The following ADAMTS6 variants were observed in gnomAD, a reference collection of about 807,000 sequenced individuals.
ADAMTS6 encodes the protein ADAM metallopeptidase with thrombospondin type 1 motif 6.
In ADAMTS6, 23 loss-of-function variants were observed where a neutral mutation model predicts 144.3. The ratio of observed to expected loss-of-function variants is 0.16; its 90% CI spans 0.11 to 0.23. ADAMTS6 has a LOEUF of 0.23. ADAMTS6 is among the 10% of genes least tolerant of loss of function. The pLI is 1.00. For missense variants in ADAMTS6, 999 were observed against 1,379.6 expected (o/e 0.72, Z 4.37); for synonymous variants, 444 against 457.5 (o/e 0.97, Z 0.38).
chr5:65,276,791 T>C (rs1205094033), intron 11 of ADAMTS6, among the ~76,000 whole-genome samples: 1 of 152,206 alleles, frequency 6.6e-6, no homozygotes, highest in East Asian at 1.9e-4. Context: ...ACCATCATAG[T>C]AGGCAGATTT....
intron 21 of ADAMTS6, among the ~76,000 whole-genome samples, chr5:65,195,901 A>G (rs1050662090): frequency 5.3e-5 from 8 of 152,226 alleles, no homozygotes; most frequent in African/African-American, 1.9e-4. Context: ...CAAAATCTCT[A>G]CAAAGATTAC....
chr5:65,459,978 A>G (rs923757599), intron 4 of ADAMTS6, among the ~76,000 whole-genome samples, 192 bp downstream of exon 4: 1 of 152,242 alleles, frequency 6.6e-6, no homozygotes, highest in African/African-American at 2.4e-5. Context: ...CTTACAGCTT[A>G]AAAACTTCTC....
At chr5:65,182,552 T>G (rs186196177) in intron 22 of ADAMTS6, among the ~76,000 whole-genome samples, 1 of 151,794 alleles carries the variant, frequency 6.6e-6, no homozygotes, top group Non-Finnish European at 1.5e-5. Flanking sequence ...CTAATCCTCA[T>G]AGAAACTCCA....
In ADAMTS6 at chr5:65,224,945, T is replaced by A; in HGVS notation, c.2170A>T (p.Asn724Tyr). 1 of 1,613,878 alleles carries A rather than the reference T, an allele frequency of 6.2e-7. No homozygotes were observed. Among genetic ancestry groups the A allele is most frequent in the Non-Finnish European group, 8.5e-7 (1 of 1,179,922 alleles). ...STCDAIEGFF[N>Y]DSLPRGGYME... ...TCACCTCCCCTGGGCAGTGAATCAT[T>A]GAAGAACCCTTCAATGGCATCACAT... Residue 724 changes from asparagine to tyrosine, a missense_variant, in exon 17 of 25, where the codon AAT (asparagine) becomes TAT (tyrosine). Asn to Tyr is a moderately radical substitution (Grantham distance 143). This residue lies in a region of ADAMTS6 where 619 missense variants were observed against 837.0 expected (regional missense o/e 0.74). Transcript: ENST00000381055.
intron 7 of ADAMTS6, among the ~76,000 whole-genome samples, chr5:65,400,649 T>A (rs1447641428): frequency 6.6e-6 from 1 of 152,218 alleles, no homozygotes; most frequent in Non-Finnish European, 1.5e-5. Flanking sequence ...TCCATTCCTT[T>A]TTCTTTTTGC....
In ADAMTS6 at chr5:65,334,034, A is replaced by AAAAAAAAAAC; in HGVS notation, c.1117+7_1117+8insGTTTTTTTTT. ...AAAAAAAAAAAAAAAAAACCAAAAA[A>AAAAAAAAAAC]AACTTACCCAGTGTTCCACAGGGCT... is the stretch of plus-strand genomic sequence containing the variant. On this transcript the variant is annotated splice_region_variant and intron_variant, in intron 8 of 24. Coordinates refer to ENST00000381055, the MANE Select transcript of ADAMTS6 (RefSeq NM_197941.4). The AAAAAAAAAAC allele has an allele frequency of 7.0e-7, 1 of 1,438,110 alleles. No individual in the cohort carries two copies. The highest frequency in any genetic ancestry group is 9.1e-7 in the Non-Finnish European group (1 of 1,097,954). 89.1% of individuals were successfully genotyped at this position (1,438,110 alleles called of 1,614,324 possible).
intron 20 of ADAMTS6, among the ~76,000 whole-genome samples, chr5:65,213,725 T>G (rs575043135): frequency 1.3e-5 from 2 of 152,278 alleles, no homozygotes; most frequent in South Asian, 4.1e-4. Flanking sequence ...CTCTCTGATT[T>G]AAGACTTGAA....
intron 3 of ADAMTS6, among the ~76,000 whole-genome samples, chr5:65,461,462 A>G (rs542847160): frequency 4.6e-4 from 70 of 152,372 alleles, no homozygotes; most frequent in Non-Finnish European, 1.0e-4. Context: ...ATGAGATGGT[A>G]AAAGTTATCT....
intron 7 of ADAMTS6, among the ~76,000 whole-genome samples, chr5:65,337,865 T>A (rs1429923813): frequency 1.3e-5 from 2 of 152,248 alleles, no homozygotes; most frequent in Non-Finnish European, 2.9e-5. Flanking sequence ...AGTCTCGCTT[T>A]ATCCCAAATA....
At chr5:65,373,084 A>G (rs1167749910) in intron 7 of ADAMTS6, among the ~76,000 whole-genome samples, 2 of 152,074 alleles carry the variant, frequency 1.3e-5, no homozygotes, top group East Asian at 3.9e-4. Flanking sequence ...AACATACCAG[A>G]ATCTCTGGGA....
At chr5:65,213,498 C>T (rs1232274846) in intron 20 of ADAMTS6, among the ~76,000 whole-genome samples, 2 of 151,644 alleles carry the variant, frequency 1.3e-5, no homozygotes, top group African/African-American at 4.8e-5. Context: ...TAAAATTAGC[C>T]AGGTGTGGTG....
chr5:65,257,283 G>A (rs1425140026), intron 14 of ADAMTS6, among the ~76,000 whole-genome samples: 2 of 151,832 alleles, frequency 1.3e-5, no homozygotes, highest in Non-Finnish European at 2.9e-5. Context: ...GTCAAGTTAG[G>A]CACACACTCC....
At chr5:65,391,868 T>C (rs1406859022) in intron 7 of ADAMTS6, among the ~76,000 whole-genome samples, 1 of 151,966 alleles carries the variant, frequency 6.6e-6, no homozygotes, top group Non-Finnish European at 1.5e-5. Flanking sequence ...CCCAAGTAGC[T>C]AGGATTACAG....
At chr5:65,401,627 A>G (rs977148735) in intron 7 of ADAMTS6, among the ~76,000 whole-genome samples, 12 of 152,210 alleles carry the variant, frequency 7.9e-5, no homozygotes, top group African/African-American at 2.4e-4. Context: ...TGTCAATTAC[A>G]GGTCAGGTTT....
chr5:65,440,352 A>G (rs1042861587), intron 7 of ADAMTS6, among the ~76,000 whole-genome samples: 2 of 152,204 alleles, frequency 1.3e-5, no homozygotes, highest in Non-Finnish European at 2.9e-5. Flanking sequence ...AAGGACAGTG[A>G]TCCCTGAGAA....
At chr5:65,381,718 G>C (rs58060660) in intron 7 of ADAMTS6, among the ~76,000 whole-genome samples, 6 of 151,780 alleles carry the variant, frequency 4.0e-5, no homozygotes, top group African/African-American at 1.4e-4. Context: ...GCTGATAAAA[G>C]AAAACATAGT....
intron 22 of ADAMTS6, among the ~76,000 whole-genome samples, chr5:65,180,546 AC>A (rs1449088418): frequency 6.6e-6 from 1 of 152,080 alleles, no homozygotes; most frequent in Non-Finnish European, 1.5e-5. Flanking sequence ...ACTGCCACTA[AC>A]CTTACTTCAG....
intron 8 of ADAMTS6, among the ~76,000 whole-genome samples, chr5:65,331,859 A>G (rs144915086): frequency 6.6e-6 from 1 of 152,154 alleles, no homozygotes; most frequent in East Asian, 1.9e-4. Flanking sequence ...ATATACATAT[A>G]TATGCAGCTC....
intron 7 of ADAMTS6, among the ~76,000 whole-genome samples, chr5:65,412,927 T>C (rs1020838197): frequency 6.6e-6 from 1 of 152,188 alleles, no homozygotes; most frequent in African/African-American, 2.4e-5. Flanking sequence ...TTATATGCAC[T>C]TCATTACTCT....
Sources: allele counts gnomAD v4.1 joint callset (sites outside exome capture counted in the v4.1 genomes callset), GRCh38; gene constraint gnomAD v4.1.1; regional missense constraint gnomAD v4.1.1; transcripts MANE v1.5; gene names NCBI Gene and HGNC (gene_info 2026-07-23, HGNC 2026-07-21).